SLC39A11: variants seen among roughly 807,000 people sequenced by gnomAD.
The protein encoded by SLC39A11 is solute carrier family 39 member 11.
SLC39A11 carries 33 observed loss-of-function variants against 36.1 expected under a neutral mutation model. That is an observed-to-expected ratio of 0.91 (90% CI 0.69 to 1.22). The LOEUF (loss-of-function observed/expected upper bound fraction) is 1.22. SLC39A11 is among the 50% of genes most tolerant of loss of function. The probability of loss-of-function intolerance (pLI) is 0.00; values close to 1 mark genes in which losing one functional copy is unlikely to be tolerated. For missense variants in SLC39A11, 432 were observed against 430.3 expected (o/e 1.00, Z -0.03); for synonymous variants, 166 against 170.3 (o/e 0.97, Z 0.20).
chr17:73,001,379 C>G lies in SLC39A11; in HGVS notation c.306+30177G>C, dbSNP rs868568728. On this transcript the variant is annotated intron_variant, in intron 4 of 9. Transcript: ENST00000255559. ...AGAAAAAGTTGTATACACATGGACA[C>G]AGGAAGGGGAACATCACACTCTGGG... is the stretch of plus-strand genomic sequence containing the variant. 4.5e-4 allele frequency among the ~76,000 whole-genome samples: 56 copies of G among 123,322 alleles called. No homozygotes were observed. The Middle Eastern group carries it at 0.019, about 42-fold the overall frequency. The allele number at this position is 123,322 out of a possible 152,430, so 80.9% of individuals were successfully genotyped here.
At chr17:72,729,451 ATATATAT>A (rs2074119893) in intron 7 of SLC39A11, among the ~76,000 whole-genome samples, 1 of 6,444 alleles carries the variant, frequency 1.6e-4, no homozygotes, top group Non-Finnish European at 3.0e-4. Context: ...ATATATATAT[ATATATAT>A]TTTTTTTTTT....
chr17:72,742,579 C>T (rs915196395), intron 6 of SLC39A11, among the ~76,000 whole-genome samples: 1 of 152,154 alleles, frequency 6.6e-6, no homozygotes, highest in East Asian at 1.9e-4. Flanking sequence ...ACTAGACAGG[C>T]GTATCCCTCC....
At chr17:73,006,110 A>G (rs889111447) in intron 4 of SLC39A11, among the ~76,000 whole-genome samples, 3 of 152,198 alleles carry the variant, frequency 2.0e-5, no homozygotes, top group Non-Finnish European at 2.9e-5. Flanking sequence ...CAGAAAAAAA[A>G]GCTCAGAAAA....
chr17:73,060,335 A>G (rs2059805094), intron 3 of SLC39A11, among the ~76,000 whole-genome samples: 1 of 151,788 alleles, frequency 6.6e-6, no homozygotes. Context: ...GCGTTCTACC[A>G]AAATAACTTT....
At chr17:72,670,198 CACACACACACACACATAT>C (rs1420250212) in intron 7 of SLC39A11, among the ~76,000 whole-genome samples, 3 of 85,132 alleles carry the variant, frequency 3.5e-5, no homozygotes, top group African/African-American at 1.0e-4. Context: ...CACACACACA[CACACACACACACACATAT>C]ATATATATGC....
At chr17:72,982,978 C>T (rs908223073) in intron 4 of SLC39A11, among the ~76,000 whole-genome samples, 4 of 152,058 alleles carry the variant, frequency 2.6e-5, no homozygotes, top group Non-Finnish European at 2.9e-5. Context: ...ACTCAGAGAA[C>T]GTCTATTAAA....
At chr17:72,738,291 AC>A (rs2074522022) in intron 6 of SLC39A11, among the ~76,000 whole-genome samples, 1 of 152,236 alleles carries the variant, frequency 6.6e-6, no homozygotes. Flanking sequence ...GGCATGAGCC[AC>A]CGCACCTGGC....
intron 6 of SLC39A11, among the ~76,000 whole-genome samples, chr17:72,777,486 G>A (rs1273055704): frequency 6.6e-6 from 1 of 152,140 alleles, no homozygotes; most frequent in African/African-American, 2.4e-5. Flanking sequence ...AATGACGAGT[G>A]TCCCTATAAA....
intron 6 of SLC39A11, among the ~76,000 whole-genome samples, chr17:72,780,044 A>G (rs59603242): frequency 0.037 from 5,625 of 152,294 alleles, 324 homozygotes; most frequent in African/African-American, 0.12. Context: ...TTGGTCAAGC[A>G]TTGACCATCC....
At chr17:72,936,507 G>T (rs1216817473) in intron 5 of SLC39A11, among the ~76,000 whole-genome samples, 2 of 150,884 alleles carry the variant, frequency 1.3e-5, no homozygotes, top group Non-Finnish European at 2.9e-5. Flanking sequence ...AATTTGGAAG[G>T]CAAGTCTTGG....
chr17:72,722,095 A>G (rs1319531441), intron 7 of SLC39A11, among the ~76,000 whole-genome samples: 1 of 151,966 alleles, frequency 6.6e-6, no homozygotes, highest in African/African-American at 2.4e-5. Context: ...AAAAAGGTCA[A>G]TCCAAAGGAA....
At chr17:73,089,436 C>A (rs937970751) in intron 1 of SLC39A11, among the ~76,000 whole-genome samples, 1 of 152,210 alleles carries the variant, frequency 6.6e-6, no homozygotes, top group African/African-American at 2.4e-5. Context: ...ATGCAGTTCC[C>A]TCCTGGAATA....
At chr17:72,809,203 C>CTG (rs1199925811) in intron 6 of SLC39A11, among the ~76,000 whole-genome samples, 1 of 143,734 alleles carries the variant, frequency 7.0e-6, no homozygotes, top group Non-Finnish European at 1.6e-5. Flanking sequence ...TTTTCTTTCT[C>CTG]TCTCTCTCTC....
intron 7 of SLC39A11, among the ~76,000 whole-genome samples, chr17:72,729,422 TATATATATATATATATATATA>T (rs1567994371): frequency 0.027 from 71 of 2,600 alleles, 6 homozygotes; most frequent in Non-Finnish European, 0.042. Flanking sequence ...TATATATATA[TATATATATATATATATATATA>T]TATATATATA....
At chr17:72,979,106 C>T (rs2088094332) in intron 4 of SLC39A11, among the ~76,000 whole-genome samples, 1 of 152,076 alleles carries the variant, frequency 6.6e-6, no homozygotes, top group Non-Finnish European at 1.5e-5. Context: ...GGCAGTTTCC[C>T]CCATGCTGTT....
At chr17:72,912,089 G>A (rs1056774001) in intron 5 of SLC39A11, among the ~76,000 whole-genome samples, 2 of 152,152 alleles carry the variant, frequency 1.3e-5, no homozygotes, top group African/African-American at 4.8e-5. Context: ...TACCCAAGGA[G>A]CGTGCCAACA....
chr17:73,010,962 T>C (rs980498543), intron 4 of SLC39A11, among the ~76,000 whole-genome samples: 1 of 152,234 alleles, frequency 6.6e-6, no homozygotes. Flanking sequence ...CTTTCATTGA[T>C]TCATTCATCA....
At chr17:72,881,461 GA>G (rs557439248) in intron 5 of SLC39A11, among the ~76,000 whole-genome samples, 47 of 152,240 alleles carry the variant, frequency 3.1e-4, no homozygotes, top group Non-Finnish European at 6.2e-4. Flanking sequence ...TAAAATGTCT[GA>G]AAAATTCTGG....
chr17:73,062,475 A>AAAAAAAAAAAAAAAAAAAAAAAAAAAC lies in SLC39A11; in HGVS notation c.147+22332_147+22333insGTTTTTTTTTTTTTTTTTTTTTTTTTT, dbSNP rs56021607. ...AGAGCTTGTCTCAAAAAAAAAAAAA[A>AAAAAAAAAAAAAAAAAAAAAAAAAAAC]AAACTTTAGGTGATACACTTCTGCT... On this transcript the variant is annotated intron_variant, in intron 3 of 9. Coordinates refer to ENST00000255559, the MANE Select transcript of SLC39A11 (RefSeq NM_139177.4). Among the ~76,000 whole-genome samples the AAAAAAAAAAAAAAAAAAAAAAAAAAAC allele has an allele frequency of 2.1e-3, 181 of 87,002 alleles. 49 individuals are homozygous for AAAAAAAAAAAAAAAAAAAAAAAAAAAC. Among genetic ancestry groups the AAAAAAAAAAAAAAAAAAAAAAAAAAAC allele is most frequent in the East Asian group, 7.3e-3 (18 of 2,478 alleles). The allele number at this position is 87,002 out of a possible 152,430, so 57.1% of individuals were successfully genotyped here.
Sources: allele counts gnomAD v4.1 joint callset (sites outside exome capture counted in the v4.1 genomes callset), GRCh38; gene constraint gnomAD v4.1.1; transcripts MANE v1.5; gene names NCBI Gene and HGNC (gene_info 2026-07-23, HGNC 2026-07-21).